The following EXPH5 variants were observed in gnomAD, a reference collection of about 807,000 sequenced individuals.
EXPH5 encodes exophilin-5.
Under a neutral mutation model 41.1 loss-of-function variants are expected in EXPH5, and 42 were observed. That is an observed-to-expected ratio of 1.02 (90% CI 0.80 to 1.32). The LOEUF (loss-of-function observed/expected upper bound fraction) is 1.32. EXPH5 is among the 40% of genes most tolerant of loss of function. The pLI, the probability that EXPH5 is intolerant of heterozygous loss-of-function variation, is 0.00. For synonymous variants in EXPH5, 798 were observed against 833.5 expected (o/e 0.96, Z 0.73); for missense variants, 2,298 against 2,314.5 (o/e 0.99, Z 0.15).
chr11:108,547,662 A>C (rs544248764), intron 1 of EXPH5, among the ~76,000 whole-genome samples: 1 of 152,178 alleles, frequency 6.6e-6, no homozygotes, highest in Non-Finnish European at 1.5e-5. Context: ...TGGTGTTACT[A>C]TTTATAATTG....
At chr11:108,567,248 C>T (rs2094038516) in intron 1 of EXPH5, among the ~76,000 whole-genome samples, 1 of 152,100 alleles carries the variant, frequency 6.6e-6, no homozygotes, top group Non-Finnish European at 1.5e-5. Flanking sequence ...CTTTAGTTTC[C>T]AATATTGATA....
At chr11:108,545,192 T>C (rs1037366405) in intron 1 of EXPH5, among the ~76,000 whole-genome samples, 1 of 152,198 alleles carries the variant, frequency 6.6e-6, no homozygotes, top group Non-Finnish European at 1.5e-5. Context: ...GGCAGGATGA[T>C]TGCTTGAGTC....
chr11:108,530,830 A>C (rs2846413), intron 3 of EXPH5, among the ~76,000 whole-genome samples: 152,215 of 152,282 alleles, frequency 1, 76,074 homozygotes, highest in Non-Finnish European at 1. Context: ...AGGACACATA[A>C]TTGCCTAAGG....
At chr11:108,599,869 G>A in the EXPH5 span, among the ~76,000 whole-genome samples, 14 of 152,308 alleles carry the variant, frequency 9.2e-5, no homozygotes, top group African/African-American at 3.1e-4. Flanking sequence ...AACTACTGTC[G>A]ACCTGAGAGA....
intron 1 of EXPH5, among the ~76,000 whole-genome samples, chr11:108,550,614 A>G (rs966163993): frequency 1.3e-5 from 2 of 152,066 alleles, no homozygotes; most frequent in Non-Finnish European, 2.9e-5. Flanking sequence ...TGCTGTCTCT[A>G]CTAAAAATAT....
At chr11:108,515,902 C>A (rs1488238909) in intron 5 of EXPH5, among the ~76,000 whole-genome samples, 1 of 152,148 alleles carries the variant, frequency 6.6e-6, no homozygotes, top group East Asian at 1.9e-4. Context: ...GAAACCCCGT[C>A]TCCACTAAAA....
intron 1 of EXPH5, among the ~76,000 whole-genome samples, chr11:108,579,692 A>G (rs2094091801): frequency 6.6e-6 from 1 of 152,178 alleles, no homozygotes; most frequent in East Asian, 1.9e-4. Flanking sequence ...GCAAATTGTG[A>G]AAGAATGTAA....
At chr11:108,580,322 T>C in intron 1 of EXPH5, among the ~76,000 whole-genome samples, 1 of 151,950 alleles carries the variant, frequency 6.6e-6, no homozygotes, top group Admixed American at 6.6e-5. Context: ...TCACTAATCA[T>C]CAGGGAAATG....
At chr11:108,597,338 C>G (rs2094140223), upstream of EXPH5, among the ~76,000 whole-genome samples, 2 of 152,176 alleles carry the variant, frequency 1.3e-5, no homozygotes, top group South Asian at 4.1e-4. Flanking sequence ...GGTGGGATTA[C>G]AGGCGCACGC....
At position 108,507,228 on chromosome 11, in the gene EXPH5, C is replaced by G. The variant is rs752136513; in HGVS notation, c.*2309G>C. 17 of 152,158 alleles carry G rather than the reference C, an allele frequency of 1.1e-4. No individual in the cohort carries two copies. Among genetic ancestry groups the G allele is most frequent in the Non-Finnish European group, 2.5e-4 (17 of 68,034 alleles). The allele number at this position is 152,158 out of a possible 1,614,324, so 9.4% of individuals were successfully genotyped here. ...GCTTTCATGTTAGTTACCGCATGTT[C>G]ATTAGCTTTGAGTTGCATGGGAACC... On this transcript the variant is annotated 3_prime_UTR_variant, in exon 6 of 6. Coordinates refer to ENST00000265843, the MANE Select transcript of EXPH5 (RefSeq NM_015065.3).
intron 1 of EXPH5, among the ~76,000 whole-genome samples, chr11:108,579,538 TAAA>T (rs546161233): frequency 2.2e-5 from 3 of 137,146 alleles, no homozygotes; most frequent in African/African-American, 2.7e-5. Context: ...AGTTTGGAAG[TAAA>T]AAAAAAAAAA....
intron 1 of EXPH5, among the ~76,000 whole-genome samples, chr11:108,569,783 A>C (rs2136097458): frequency 6.6e-6 from 1 of 152,244 alleles, no homozygotes; most frequent in East Asian, 1.9e-4. Flanking sequence ...ATGTTATTGA[A>C]TCATGATATG....
rs1288254633 is a variant in EXPH5, at chr11:108,541,717, G to A, written c.215C>T (p.Thr72Ile). 5.0e-6 allele frequency: 8 copies of A among 1,612,706 alleles called. No homozygotes were observed. Among genetic ancestry groups the A allele is most frequent in the African/African-American group, 4.0e-5 (3 of 74,834 alleles). The change falls in exon 2 of 6, where the codon ACA becomes ATA. Residue 72 changes from threonine to isoleucine, a missense_variant. Thr to Ile is a moderately conservative substitution (Grantham distance 89, BLOSUM62 -1). Transcript: ENST00000265843. The part of the protein sequence containing the change: ...EIQRKKFCNE[T>I]DVSQMLKQPL... ...TTGTTTTAACATTTGGCTAACATCT[G>A]TTTCATTGCAAAACTTTTTTCTTTG...
At chr11:108,565,695 A>G (rs1308832378) in intron 1 of EXPH5, among the ~76,000 whole-genome samples, 1 of 152,074 alleles carries the variant, frequency 6.6e-6, no homozygotes, top group African/African-American at 2.4e-5. Context: ...TAATTCCTTT[A>G]TTATTTGGGC....
intron 3 of EXPH5, chr11:108,538,138 A>G (rs554664740): frequency 3.3e-4 from 323 of 985,498 alleles, no homozygotes; most frequent in Non-Finnish European, 3.8e-4. Context: ...CAGCAGCCTC[A>G]TCACACAACC....
chr11:108,544,146 C>T (rs977652700), intron 1 of EXPH5, among the ~76,000 whole-genome samples: 18 of 152,188 alleles, frequency 1.2e-4, no homozygotes, highest in Non-Finnish European at 2.5e-4. Context: ...TTCCCCCGTA[C>T]AGGCTTGATG....
chr11:108,514,150 G>C lies in EXPH5; in HGVS notation c.1357C>G (p.Gln453Glu), dbSNP rs200869874. The C allele has an allele frequency of 9.3e-6, 15 of 1,613,892 alleles. 1 individual carries two copies. Among genetic ancestry groups the C allele is most frequent in the Non-Finnish European group, 1.0e-5 (12 of 1,179,958 alleles). Reference sequence around the variant, plus strand: ...AAAGATCTGGTAAATGTGTTGCTTTGATGGTAGAATGGCATGTTCTCTGAG... The same window carrying C: ...AAAGATCTGGTAAATGTGTTGCTTTCATGGTAGAATGGCATGTTCTCTGAG... ...ENSENMPFYH[Q>E]SNTFTRSFFS... Residue 453 changes from glutamine to glutamate, a missense_variant, in exon 6 of 6, where the codon CAA becomes GAA. Gln to Glu is a conservative substitution (Grantham distance 29, BLOSUM62 2). Transcript: ENST00000265843.
intron 4 of EXPH5, among the ~76,000 whole-genome samples, chr11:108,526,323 A>G (rs780608162): frequency 6.6e-6 from 1 of 152,200 alleles, no homozygotes. Flanking sequence ...GACATGCTCC[A>G]AGCAGTGAAA....
intron 1 of EXPH5, among the ~76,000 whole-genome samples, chr11:108,579,634 C>T (rs2094091605): frequency 6.6e-6 from 1 of 151,978 alleles, no homozygotes; most frequent in South Asian, 2.1e-4. Flanking sequence ...AGCCATAGAA[C>T]CTGGTCACAA....
Sources: gnomAD v4.1 joint callset for allele counts (sites outside exome capture counted in the v4.1 genomes callset) on GRCh38, gnomAD v4.1.1 for gene constraint, MANE v1.5 for transcripts, NCBI Gene and HGNC (gene_info 2026-07-23, HGNC 2026-07-21) for gene names.